The following PROSER2 variants were observed in gnomAD, a reference collection of about 807,000 sequenced individuals.
The protein encoded by PROSER2 is proline and serine-rich protein 2.
Under a neutral mutation model 14.6 loss-of-function variants are expected in PROSER2, and 18 were observed. The observed-to-expected ratio is 1.23, with a 90% CI of 0.85 to 1.83. PROSER2 has a LOEUF of 1.83. Ranked by LOEUF, PROSER2 falls within the 40% of genes most tolerant of loss-of-function variation. The probability of loss-of-function intolerance (pLI) is 0.00; values close to 1 mark genes in which losing one functional copy is unlikely to be tolerated. For missense variants in PROSER2, 823 were observed against 629.8 expected, an observed-to-expected ratio of 1.31 and a Z score of -3.28; for synonymous variants, 367 against 286.4, an observed-to-expected ratio of 1.28 and a Z score of -2.84.
chr10:11,868,586 A>G (rs1220883416), intron 3 of PROSER2, among the ~76,000 whole-genome samples: 1 of 152,132 alleles, frequency 6.6e-6, no homozygotes, highest in African/African-American at 2.4e-5. Context: ...AACAACTTTA[A>G]GTGCCCACAG....
Position 11,870,655 on chromosome 10 carries a change from A to C in PROSER2, c.*249A>C. On this transcript the variant is annotated 3_prime_UTR_variant, in exon 4 of 4. Transcript: ENST00000277570. ...GCCGAGGGCTTGTCTCCCTTTTCCC[A>C]AGAACTGAGAGAGAGAGAATAACCT... 2.3e-6 allele frequency: 1 copy of C among 431,788 alleles called. No homozygotes were observed. 26.7% of individuals were successfully genotyped at this position (431,788 alleles called of 1,614,324 possible).
intron 2 of PROSER2, among the ~76,000 whole-genome samples, chr10:11,863,540 C>A (rs1388792833): frequency 2.7e-5 from 4 of 148,296 alleles, no homozygotes; most frequent in Non-Finnish European, 6.0e-5. Flanking sequence ...ACCATCCCCC[C>A]CACAAAAAAA....
chr10:11,870,419 C>A lies in PROSER2; in HGVS notation c.*13C>A. On this transcript the variant is annotated 3_prime_UTR_variant, in exon 4 of 4. Transcript: ENST00000277570. ...GGAGAGTTCGTGAGGGCCGCGCGGGCTCCAGTCCACCCCGTTTCTCCCCAC... is the reference window on the plus strand; with the variant it reads ...GGAGAGTTCGTGAGGGCCGCGCGGGATCCAGTCCACCCCGTTTCTCCCCAC... 1 of 1,469,984 alleles carries A rather than the reference C, an allele frequency of 6.8e-7. No homozygotes were observed. Among genetic ancestry groups the A allele is most frequent in the Non-Finnish European group, 9.0e-7 (1 of 1,113,954 alleles). 91.1% of individuals were successfully genotyped at this position (1,469,984 alleles called of 1,614,324 possible).
At chr10:11,832,474 A>G (rs1833701065) in intron 1 of PROSER2, among the ~76,000 whole-genome samples, 1 of 152,200 alleles carries the variant, frequency 6.6e-6, no homozygotes, top group South Asian at 2.1e-4. Flanking sequence ...TGTAGAGCAT[A>G]CACATTCATA....
intron 1 of PROSER2, among the ~76,000 whole-genome samples, chr10:11,846,075 C>T (rs1412647470): frequency 6.6e-6 from 1 of 152,118 alleles, no homozygotes; most frequent in Non-Finnish European, 1.5e-5. Context: ...CATCCTCTAC[C>T]TCCCGGTTTC....
chr10:11,842,112 C>T (rs1806649051), intron 1 of PROSER2, among the ~76,000 whole-genome samples: 1 of 151,726 alleles, frequency 6.6e-6, no homozygotes, highest in South Asian at 2.1e-4. Context: ...GTCCCAGCTA[C>T]TTGAGAGGCT....
In PROSER2 at chr10:11,869,722, C is replaced by T. The variant is rs758286446; in HGVS notation, c.624C>T (p.Asn208=). 1 of 1,592,480 alleles carries T rather than the reference C, an allele frequency of 6.3e-7. No homozygotes were observed. The highest frequency in any genetic ancestry group is 8.5e-7 in the Non-Finnish European group (1 of 1,170,534). The change falls in exon 4 of 4, where the codon AAC becomes AAT. Residue 208 remains asparagine (N), a synonymous_variant. Coordinates refer to ENST00000277570, the MANE Select transcript of PROSER2 (RefSeq NM_153256.4). This position sits in a 1 kb window ranked among gnomAD's most constrained non-coding sequence, Gnocchi z 4.4. ...AQKISERMAG[N]EALSPTSPFR... The stretch of plus-strand genomic sequence containing the variant: ...AGATTTCCGAGAGGATGGCGGGGAA[C>T]GAAGCCCTCTCGCCCACCTCCCCGT...
chr10:11,847,126 T>C (rs1833933109), intron 1 of PROSER2, among the ~76,000 whole-genome samples: 1 of 144,694 alleles, frequency 6.9e-6, no homozygotes, highest in Non-Finnish European at 1.5e-5. Flanking sequence ...TCTCCTATTC[T>C]TAAAGAAAAA....
intron 1 of PROSER2, among the ~76,000 whole-genome samples, chr10:11,826,176 G>A (rs898739082): frequency 1.3e-5 from 2 of 152,068 alleles, no homozygotes; most frequent in Non-Finnish European, 2.9e-5. Flanking sequence ...TGTTTTTCAA[G>A]GTCCGTCCGT....
chr10:11,855,679 T>C (rs1489454494), intron 2 of PROSER2, among the ~76,000 whole-genome samples: 5 of 152,142 alleles, frequency 3.3e-5, no homozygotes, highest in East Asian at 1.9e-4. Context: ...TCTGAGCTAC[T>C]TGGGAGGCCT....
At position 11,852,177 on chromosome 10, in the gene PROSER2, A is replaced by G. The variant is rs771367504; in HGVS notation, c.100A>G (p.Ser34Gly). 1.2e-6 allele frequency: 2 copies of G among 1,612,772 alleles called. No homozygotes were observed. Among genetic ancestry groups the G allele is most frequent in the East Asian group, 2.2e-5 (1 of 44,814 alleles). ...RAFSRGGSLE[S>G]RSSSSRSRSF... ...CTTCAGCAGAGGCGGCAGCCTGGAG[A>G]GTCGAAGCAGCAGCTCTCGCTCCAG... Residue 34 changes from serine (S) to glycine (G), a missense_variant, in exon 2 of 4, where the codon AGT becomes GGT. Coordinates refer to ENST00000277570, the MANE Select transcript of PROSER2 (RefSeq NM_153256.4).
chr10:11,829,821 T>C (rs1833666785), intron 1 of PROSER2, among the ~76,000 whole-genome samples: 1 of 151,074 alleles, frequency 6.6e-6, no homozygotes, highest in Admixed American at 6.7e-5. Context: ...TTTTCTTTTT[T>C]TTCTTTACTT....
chr10:11,843,949 AGTCT>A (rs1833887807), intron 1 of PROSER2, among the ~76,000 whole-genome samples: 1 of 151,360 alleles, frequency 6.6e-6, no homozygotes, highest in Admixed American at 6.6e-5. Flanking sequence ...TCAAGAAGTC[AGTCT>A]AATTATCACT....
intron 1 of PROSER2, among the ~76,000 whole-genome samples, chr10:11,824,154 A>G (rs911808250): frequency 1.3e-5 from 2 of 151,924 alleles, no homozygotes; most frequent in African/African-American, 2.4e-5. Context: ...TTCCTTAACC[A>G]CAGGAACTAA....
rs766236502 is a variant in PROSER2 at position 11,838,279 on chromosome 10, G to A, written c.-81-13718G>A. Among the ~76,000 whole-genome samples the A allele has an allele frequency of 7.9e-5, 12 of 152,198 alleles. No homozygotes were observed. The highest frequency in any genetic ancestry group is 1.6e-4 in the Non-Finnish European group (11 of 68,046). ...GCTGGGTTTTAAATGTACATGAATA[G>A]AATTGCACTAAGAATCTAACTCTGA... On this transcript the variant is annotated intron_variant, in intron 1 of 3. Transcript: ENST00000277570. This position sits in a 1 kb window ranked among gnomAD's most constrained non-coding sequence, Gnocchi z 4.4.
chr10:11,834,627 C>CAGG (rs1258276306), intron 1 of PROSER2, among the ~76,000 whole-genome samples: 1 of 151,674 alleles, frequency 6.6e-6, no homozygotes, highest in Non-Finnish European at 1.5e-5. Context: ...CCCAGCTACT[C>CAGG]AGGAAGCTGA....
chr10:11,848,954 C>A (rs1053087703), intron 1 of PROSER2, among the ~76,000 whole-genome samples: 10 of 152,150 alleles, frequency 6.6e-5, no homozygotes, highest in African/African-American at 2.4e-4. Context: ...TTTGGGAGGC[C>A]GAGGCGGGCG....
intron 1 of PROSER2, among the ~76,000 whole-genome samples, chr10:11,831,238 T>C (rs1040172082): frequency 6.6e-6 from 1 of 152,006 alleles, no homozygotes; most frequent in Non-Finnish European, 1.5e-5. Context: ...GGTGGGGGTG[T>C]TGGGGGAGCA....
intron 1 of PROSER2, among the ~76,000 whole-genome samples, chr10:11,833,993 T>C (rs1464079600): frequency 7.6e-6 from 1 of 130,810 alleles, no homozygotes; most frequent in South Asian, 2.8e-4. Flanking sequence ...TCTTTTTTTT[T>C]TTTTTTTTTT....
Sources: gnomAD v4.1 joint callset for allele counts (sites outside exome capture counted in the v4.1 genomes callset) on GRCh38, gnomAD v4.1.1 for gene constraint, Gnocchi (gnomAD v3.1) non-coding constraint, MANE v1.5 for transcripts, NCBI Gene and HGNC (gene_info 2026-07-23, HGNC 2026-07-21) for gene names.